NCAM2: variants seen among roughly 807,000 people sequenced by gnomAD.
NCAM2 encodes neural cell adhesion molecule 2.
Under a neutral mutation model 98.1 loss-of-function variants are expected in NCAM2, and 30 were observed. That is an observed-to-expected ratio of 0.31 (90% CI 0.23 to 0.41). The LOEUF (loss-of-function observed/expected upper bound fraction) is 0.41, where lower values mean the gene tolerates loss of function less well. Among genes scored for constraint, NCAM2 ranks in the 10% least tolerant of loss-of-function variants. The pLI is 1.00. For missense variants in NCAM2, 867 were observed against 1,005.8 expected, an observed-to-expected ratio of 0.86 and a Z score of 1.87; for synonymous variants, 368 against 342.4, an observed-to-expected ratio of 1.07 and a Z score of -0.83.
intron 8 of NCAM2, among the ~76,000 whole-genome samples, chr21:21,363,778 G>A (rs1041748326): frequency 1.3e-5 from 2 of 151,926 alleles, no homozygotes; most frequent in African/African-American, 4.8e-5. Flanking sequence ...GGTTGTTGCA[G>A]CATTGTATAT....
intron 15 of NCAM2, among the ~76,000 whole-genome samples, chr21:21,493,585 G>A (rs1045792368): frequency 6.6e-6 from 1 of 151,878 alleles, no homozygotes; most frequent in Non-Finnish European, 1.5e-5. Context: ...ACATTACGGT[G>A]CATACTTGGT....
chr21:21,483,045 C>A (rs2047756751), intron 15 of NCAM2, among the ~76,000 whole-genome samples: 1 of 151,932 alleles, frequency 6.6e-6, no homozygotes, highest in Non-Finnish European at 1.5e-5. Flanking sequence ...TACTAAACTT[C>A]TGGACTGGAT....
intron 11 of NCAM2, among the ~76,000 whole-genome samples, chr21:21,422,140 C>T (rs1024456470): frequency 1.3e-5 from 2 of 152,134 alleles, no homozygotes; most frequent in Non-Finnish European, 2.9e-5. Context: ...AGAGTGCCCA[C>T]TTGCCAAGAC....
chr21:21,324,412 T>C lies in NCAM2; in HGVS notation c.649T>C (p.Ser217Pro). 6.2e-7 allele frequency: 1 copy of C among 1,613,540 alleles called. No homozygotes were observed. Among genetic ancestry groups the C allele is most frequent in the South Asian group, 1.1e-5 (1 of 91,062 alleles). ...GCCAGCAATCTCAATGCCTCAGAAA[T>C]CTTTTAATGCCACAGCAGAGAGAGG... ...VPPAISMPQK[S>P]FNATAERGEE... is the part of the protein sequence containing the mutation. The change falls in exon 6 of 18, where the codon TCT becomes CCT. Residue 217 changes from serine to proline, a missense_variant. This residue lies in a region of NCAM2 where 447 missense variants were observed against 495.7 expected (regional missense o/e 0.90). Coordinates refer to ENST00000400546, the MANE Select transcript of NCAM2 (RefSeq NM_004540.5).
intron 5 of NCAM2, among the ~76,000 whole-genome samples, chr21:21,299,834 G>T (rs1228510331): frequency 6.6e-6 from 1 of 151,824 alleles, no homozygotes; most frequent in Non-Finnish European, 1.5e-5. Context: ...ATGGGAAGTT[G>T]GTTGTAGGAC....
At chr21:21,265,526 CAT>C (rs1422037108) in intron 1 of NCAM2, among the ~76,000 whole-genome samples, 44 of 84,146 alleles carry the variant, frequency 5.2e-4, no homozygotes, top group Middle Eastern at 6.9e-3. Flanking sequence ...CACATACACA[CAT>C]ATGTGTGTAT....
At chr21:21,297,084 G>GA (rs2073514861) in intron 5 of NCAM2, among the ~76,000 whole-genome samples, 1 of 151,716 alleles carries the variant, frequency 6.6e-6, no homozygotes, top group Non-Finnish European at 1.5e-5. Flanking sequence ...ATTAAATGGG[G>GA]AACATCACAA....
At chr21:21,485,593 TTAAG>T (rs1986281322) in intron 15 of NCAM2, among the ~76,000 whole-genome samples, 1 of 152,230 alleles carries the variant, frequency 6.6e-6, no homozygotes, top group Non-Finnish European at 1.5e-5. Context: ...CAATTTTCAC[TTAAG>T]TAATCTTTAC....
At chr21:21,486,546 T>C (rs1438936398) in intron 15 of NCAM2, among the ~76,000 whole-genome samples, 1 of 152,132 alleles carries the variant, frequency 6.6e-6, no homozygotes, top group Non-Finnish European at 1.5e-5. Flanking sequence ...GATAAAAAGA[T>C]TTCTAGTAAC....
At chr21:21,048,540 A>G (rs984003067) in intron 1 of NCAM2, among the ~76,000 whole-genome samples, 4 of 152,112 alleles carry the variant, frequency 2.6e-5, no homozygotes, top group Non-Finnish European at 5.9e-5. Flanking sequence ...TTTTTAGTAG[A>G]GACAGGGTTT....
chr21:21,512,807 CTTAAG>C (rs1183407111), intron 16 of NCAM2, among the ~76,000 whole-genome samples: 2 of 151,924 alleles, frequency 1.3e-5, no homozygotes, highest in African/African-American at 2.4e-5. Flanking sequence ...TACTTATTCA[CTTAAG>C]TTAATTCCTA....
At chr21:21,133,921 C>A (rs1329768404) in intron 1 of NCAM2, among the ~76,000 whole-genome samples, 2 of 152,130 alleles carry the variant, frequency 1.3e-5, no homozygotes, top group Non-Finnish European at 2.9e-5. Flanking sequence ...GCTGAAGTAA[C>A]ACTGGGTAGA....
intron 1 of NCAM2, among the ~76,000 whole-genome samples, chr21:21,254,085 A>G (rs1213878127): frequency 6.6e-6 from 1 of 152,260 alleles, no homozygotes; most frequent in Non-Finnish European, 1.5e-5. Flanking sequence ...CAAGGGTACA[A>G]TCTCAGGAGA....
At chr21:21,192,989 A>G (rs2068875860) in intron 1 of NCAM2, among the ~76,000 whole-genome samples, 1 of 152,184 alleles carries the variant, frequency 6.6e-6, no homozygotes, top group Non-Finnish European at 1.5e-5. Flanking sequence ...TACTTTACAC[A>G]CTTACCAATC....
chr21:21,394,650 G>A (rs147403122), intron 9 of NCAM2, among the ~76,000 whole-genome samples: 1,878 of 151,420 alleles, frequency 0.012, 41 homozygotes, highest in African/African-American at 0.043. Context: ...CACCACACCC[G>A]CTAATTTTTT....
chr21:21,400,057 G>A (rs557724815), intron 9 of NCAM2, among the ~76,000 whole-genome samples: 15 of 152,216 alleles, frequency 9.9e-5, no homozygotes, highest in Non-Finnish European at 1.9e-4. Flanking sequence ...GTATAACTTG[G>A]TACCAAGTCC....
chr21:21,324,040 T>C (rs1176674842), intron 5 of NCAM2, among the ~76,000 whole-genome samples: 2 of 152,190 alleles, frequency 1.3e-5, no homozygotes, highest in South Asian at 4.1e-4. Flanking sequence ...TGCTAAAATA[T>C]GTACTTTATT....
At chr21:21,508,718 T>A (rs1988147451) in intron 15 of NCAM2, 133 bp from the exon 16 acceptor site, 3 of 702,124 alleles carry the variant, frequency 4.3e-6, no homozygotes, top group Non-Finnish European at 6.4e-6. Flanking sequence ...TATGACTTTA[T>A]TCTGTCTCTT....
chr21:21,004,383 T>C (rs2146110510), intron 1 of NCAM2, among the ~76,000 whole-genome samples: 1 of 152,228 alleles, frequency 6.6e-6, no homozygotes, highest in Non-Finnish European at 1.5e-5. Flanking sequence ...GATGAAGAAA[T>C]TGAGGTACAG....
Sources: allele counts gnomAD v4.1 joint callset (sites outside exome capture counted in the v4.1 genomes callset), GRCh38; gene constraint gnomAD v4.1.1; regional missense constraint gnomAD v4.1.1; transcripts MANE v1.5; gene names NCBI Gene and HGNC (gene_info 2026-07-23, HGNC 2026-07-21).